Variants in PRMT3 observed in about 807,000 individuals in gnomAD.
PRMT3 encodes protein arginine methyltransferase 3, also known as protein arginine N-methyltransferase 3.
A neutral mutation model predicts 71.9 loss-of-function variants in PRMT3; 62 were observed. The observed-to-expected ratio is 0.86, with a 90% CI of 0.70 to 1.07. PRMT3 has a LOEUF of 1.07. PRMT3 is among the 50% of genes least tolerant of loss of function. The pLI is 0.00. For missense variants in PRMT3, 663 were observed against 643.0 expected, an observed-to-expected ratio of 1.03 and a Z score of -0.34; for synonymous variants, 213 against 220.4, an observed-to-expected ratio of 0.97 and a Z score of 0.30.
At chr11:20,508,098 T>C (rs1430280448) in intron 15 of PRMT3, among the ~76,000 whole-genome samples, 1 of 143,836 alleles carries the variant, frequency 7.0e-6, no homozygotes, top group Non-Finnish European at 1.5e-5. Context: ...TGCAGTGAGC[T>C]GAGATCACAC....
rs1216507858 is a variant in PRMT3, at chr11:20,397,729, A to G, written c.705+8A>G. The G allele has an allele frequency of 6.2e-7, 1 of 1,613,180 alleles. No individual in the cohort carries two copies. The highest frequency in any genetic ancestry group is 1.1e-5 in the South Asian group (1 of 90,936). ...CATGAAGAAATGCTAAAGGTTAGAA[A>G]AGAACACAAATGCGTCAAATCCATA... On this transcript the variant is annotated splice_region_variant and intron_variant, in intron 7 of 15. Transcript: ENST00000331079.
intron 10 of PRMT3, among the ~76,000 whole-genome samples, chr11:20,435,607 C>G (rs1427071592): frequency 6.6e-6 from 1 of 152,112 alleles, no homozygotes; most frequent in Non-Finnish European, 1.5e-5. Context: ...TGTCCCTTCT[C>G]CAATAAATGT....
At chr11:20,433,690 G>A (rs183050957) in intron 10 of PRMT3, among the ~76,000 whole-genome samples, 36 of 152,074 alleles carry the variant, frequency 2.4e-4, no homozygotes, top group Admixed American at 7.9e-4. Flanking sequence ...GTGCAGTCTT[G>A]TCTCACTGCA....
At chr11:20,466,717 TA>T (rs1235468977) in intron 13 of PRMT3, among the ~76,000 whole-genome samples, 1 of 152,146 alleles carries the variant, frequency 6.6e-6, no homozygotes, top group Non-Finnish European at 1.5e-5. Context: ...TCTGTATACT[TA>T]AAAGAGTAAA....
At position 20,387,733 on chromosome 11, in the gene PRMT3, G is replaced by C. The variant is rs367976322; in HGVS notation, c.-14G>C. 4 of 1,530,854 alleles carry C rather than the reference G, an allele frequency of 2.6e-6. No individual in the cohort carries two copies. In the African/African-American group the frequency reaches 4.2e-5, roughly 16 times the overall value. The allele number at this position is 1,530,854 out of a possible 1,614,324, so 94.8% of individuals were successfully genotyped here. A position where few individuals can be genotyped will look rare whatever the true frequency, so the allele number is the denominator to read the frequency against. ...CCGCCCCCAGACACGCCGGGCTCTC[G>C]GGGCACCACAGCCATGTGCTCGTTA... On this transcript the variant is annotated 5_prime_UTR_variant, in exon 1 of 16. Transcript: ENST00000331079. The surrounding 1 kb of genome is among the most constrained non-coding windows in gnomAD (Gnocchi z 4.3).
chr11:20,409,654 AACACAC>A lies in PRMT3; in HGVS notation c.893+1655_893+1660del, dbSNP rs60686099. ...TGCGATTTTTGTATTGGAATACACAAACACACACACACACACACACACACACACACA... is the reference window on the plus strand; with the variant it reads ...TGCGATTTTTGTATTGGAATACACAAACACACACACACACACACACACACA... On this transcript the variant is annotated intron_variant, in intron 9 of 15. Transcript: ENST00000331079. Among the ~76,000 whole-genome samples, 1,372 of 144,330 alleles carry A rather than the reference AACACAC, an allele frequency of 9.5e-3. 11 individuals are homozygous for A. The highest frequency in any genetic ancestry group is 0.027 in the East Asian group (134 of 4,930). 94.7% of individuals were successfully genotyped at this position (144,330 alleles called of 152,430 possible). A position where few individuals can be genotyped will look rare whatever the true frequency, so the allele number is the denominator to read the frequency against.
chr11:20,404,161 GT>G (rs59031740), intron 8 of PRMT3, among the ~76,000 whole-genome samples: 74 of 132,228 alleles, frequency 5.6e-4, no homozygotes, highest in African/African-American at 2.2e-3. Context: ...TTTATATTTA[GT>G]TTTTTTTTGT....
At chr11:20,427,158 T>C (rs957351467) in intron 10 of PRMT3, among the ~76,000 whole-genome samples, 3 of 152,218 alleles carry the variant, frequency 2.0e-5, no homozygotes, top group African/African-American at 7.2e-5. Flanking sequence ...TTCTAAGTTT[T>C]AGATACCTAA....
At chr11:20,392,382 T>A in intron 4 of PRMT3, 122 bp downstream of exon 4, 1 of 1,043,076 alleles carries the variant, frequency 9.6e-7, no homozygotes, top group Non-Finnish European at 1.3e-6. Flanking sequence ...CTCATCATAT[T>A]GGGGGAATCA....
In PRMT3 at chr11:20,483,641, T is replaced by C. The variant is rs80183600; in HGVS notation, c.1348-10278T>C. On this transcript the variant is annotated intron_variant, in intron 13 of 15. Transcript: ENST00000331079. Reference sequence around the variant, plus strand: ...ATGTGTGGGCTTCTGTGCTAGGCACTATGAATACAACAAATAATCAAAATG... The same window carrying C: ...ATGTGTGGGCTTCTGTGCTAGGCACCATGAATACAACAAATAATCAAAATG... Among the ~76,000 whole-genome samples, 1,200 of 152,142 alleles carry C rather than the reference T, an allele frequency of 7.9e-3. 19 individuals carry two copies. Among genetic ancestry groups the C allele is most frequent in the African/African-American group, 0.028 (1,165 of 41,520 alleles).
At chr11:20,477,965 A>G (rs1159361888) in intron 13 of PRMT3, among the ~76,000 whole-genome samples, 1 of 152,092 alleles carries the variant, frequency 6.6e-6, no homozygotes. Flanking sequence ...GGGCCTGGCT[A>G]GTGTTTCCTT....
chr11:20,459,250 T>G (rs536959648), intron 11 of PRMT3, among the ~76,000 whole-genome samples: 1 of 152,174 alleles, frequency 6.6e-6, no homozygotes, highest in Non-Finnish European at 1.5e-5. Flanking sequence ...TTAAAAGATA[T>G]TCTAAAATAG....
chr11:20,459,294 T>TTTTC (rs763221639), intron 11 of PRMT3, among the ~76,000 whole-genome samples: 75 of 152,342 alleles, frequency 4.9e-4, no homozygotes, highest in Non-Finnish European at 9.4e-4. Context: ...GTATCTTGAA[T>TTTTC]GTCTGTGTAC....
intron 10 of PRMT3, among the ~76,000 whole-genome samples, 194 bp from the exon 11 acceptor site, chr11:20,451,935 GT>G (rs1850158478): frequency 6.6e-6 from 1 of 151,948 alleles, no homozygotes; most frequent in Non-Finnish European, 1.5e-5. Flanking sequence ...AACTTTCTGG[GT>G]TCACTTTATA....
intron 15 of PRMT3, among the ~76,000 whole-genome samples, chr11:20,504,545 AT>A (rs1418299264): frequency 6.6e-6 from 1 of 152,186 alleles, no homozygotes; most frequent in Non-Finnish European, 1.5e-5. Context: ...AAATCAATAG[AT>A]TAGGGAAAAT....
chr11:20,499,889 A>G (rs894401806), intron 15 of PRMT3, among the ~76,000 whole-genome samples: 2 of 152,196 alleles, frequency 1.3e-5, no homozygotes, highest in African/African-American at 4.8e-5. Context: ...AGCACATTCT[A>G]TCCAATTTTT....
intron 10 of PRMT3, among the ~76,000 whole-genome samples, chr11:20,429,435 G>A (rs1445290240): frequency 2.0e-5 from 3 of 152,172 alleles, no homozygotes; most frequent in African/African-American, 7.2e-5. Flanking sequence ...TGGCTTGGGG[G>A]CTGGGGACTT....
At chr11:20,396,037 A>G in intron 6 of PRMT3, 75 bp downstream of exon 6, 1 of 1,351,028 alleles carries the variant, frequency 7.4e-7, no homozygotes, top group Non-Finnish European at 1.0e-6. Flanking sequence ...AGTAGAATAT[A>G]GTAGAACATT....
intron 12 of PRMT3, 110 bp downstream of exon 12, chr11:20,462,277 T>A (rs1850403932): frequency 2.3e-6 from 2 of 881,640 alleles, no homozygotes; most frequent in South Asian, 4.3e-5. Flanking sequence ...ACAGTACTTT[T>A]CCCATTGTAA....
Sources: allele counts gnomAD v4.1 joint callset (sites outside exome capture counted in the v4.1 genomes callset), GRCh38; gene constraint gnomAD v4.1.1; non-coding constraint Gnocchi (gnomAD v3.1); transcripts MANE v1.5; gene names NCBI Gene and HGNC (gene_info 2026-07-23, HGNC 2026-07-21).